YES1: variants seen among roughly 807,000 people sequenced by gnomAD.
The protein encoded by YES1 is tyrosine-protein kinase Yes.
YES1 carries 39 observed loss-of-function variants against 70.4 expected under a neutral mutation model. The observed-to-expected ratio is 0.55, with a 90% CI of 0.43 to 0.72. The LOEUF (loss-of-function observed/expected upper bound fraction) is 0.72, where lower values mean the gene tolerates loss of function less well. Among genes scored for constraint, YES1 ranks in the 30% least tolerant of loss-of-function variants. The pLI is 0.00. For missense variants in YES1, 495 were observed against 644.8 expected (o/e 0.77, Z 2.52); for synonymous variants, 198 against 218.6 (o/e 0.91, Z 0.83).
At chr18:764,247 A>T (rs1364658221) in intron 1 of YES1, among the ~76,000 whole-genome samples, 4 of 152,028 alleles carry the variant, frequency 2.6e-5, no homozygotes, top group Non-Finnish European at 5.9e-5. Flanking sequence ...TTTGAGACTG[A>T]GTCTCACTCT....
chr18:793,043 G>GTTT (rs761477770), intron 1 of YES1, among the ~76,000 whole-genome samples: 1,446 of 136,806 alleles, frequency 0.011, 12 homozygotes, highest in South Asian at 0.032. Context: ...ATTATTATTG[G>GTTT]TTTTTTTTTT....
At chr18:739,685 T>A (rs1308089165) in intron 9 of YES1, 50 bp downstream of exon 9, 10 of 1,396,840 alleles carry the variant, frequency 7.2e-6, no homozygotes, top group Non-Finnish European at 9.0e-6. Flanking sequence ...TTATTCCACA[T>A]TTTAATTTAC....
At chr18:733,730 C>T (rs964152414) in intron 10 of YES1, among the ~76,000 whole-genome samples, 1 of 125,420 alleles carries the variant, frequency 8.0e-6, no homozygotes, top group Admixed American at 1.1e-4. Flanking sequence ...TTGCAGTGAG[C>T]TGAGATTGCG....
intron 6 of YES1, 62 bp from the exon 7 acceptor site, chr18:743,477 A>T (rs148910050): frequency 3.7e-6 from 5 of 1,357,340 alleles, no homozygotes; most frequent in Middle Eastern, 2.5e-4. Flanking sequence ...CATATAGTGT[A>T]TCAATGTTTT....
rs1422975871 is a variant in YES1, at chr18:723,753, AG to A, written c.*670del. ...CTTCAGAAAAGGACTGAAGTGAAAA[AG>A]TTCTTATTCTTTCAGTTCCATGAAC... On this transcript the variant is annotated 3_prime_UTR_variant, in exon 12 of 12. Coordinates refer to ENST00000314574, the MANE Select transcript of YES1 (RefSeq NM_005433.4). 2 of 152,636 alleles carry A rather than the reference AG, an allele frequency of 1.3e-5. No individual in the cohort carries two copies. The highest frequency in any genetic ancestry group is 4.8e-5 in the African/African-American group (2 of 41,462). 9.5% of individuals were successfully genotyped at this position (152,636 alleles called of 1,614,324 possible).
chr18:756,283 G>A lies in YES1; in HGVS notation c.271+274C>T, dbSNP rs569660497. On this transcript the variant is annotated intron_variant, in intron 2 of 11. Coordinates refer to ENST00000314574, the MANE Select transcript of YES1 (RefSeq NM_005433.4). ...TCTTTATGTTCCCGGTGCCTACAGT[G>A]GGGGGGGGCTCAATAACTATTTGAA... 4.5e-4 allele frequency among the ~76,000 whole-genome samples: 18 copies of A among 39,790 alleles called. 1 individual carries two copies. The highest frequency in any genetic ancestry group is 4.4e-3 in the South Asian group (5 of 1,132). The allele number at this position is 39,790 out of a possible 152,430, so 26.1% of individuals were successfully genotyped here. A position where few individuals can be genotyped will look rare whatever the true frequency, so the allele number is the denominator to read the frequency against.
Position 742,944 on chromosome 18 carries a change from T to C in YES1, c.1034A>G (p.Tyr345Cys), listed in dbSNP as rs750080195. 6.3e-7 allele frequency: 1 copy of C among 1,598,318 alleles called. No homozygotes were observed. Residue 345 changes from tyrosine to cysteine, a missense_variant, in exon 8 of 12, where the codon TAC (tyrosine) becomes TGC (cysteine). This residue lies in a region of YES1 where 385 missense variants were observed against 540.9 expected (regional missense o/e 0.71). Transcript: ENST00000314574. ...TTTTGACATAAATTCAGTGACAATG[T>C]AAATTGGTTCTTCAGAAACAACAGC... The part of the protein sequence containing the change: ...LYAVVSEEPI[Y>C]IVTEFMSKGS...
intron 1 of YES1, among the ~76,000 whole-genome samples, chr18:761,893 C>T (rs523762): frequency 0.99 from 151,377 of 152,376 alleles, 75,196 homozygotes; most frequent in East Asian, 1. Flanking sequence ...GTCTTAGAAA[C>T]GTTAACATCA....
At chr18:747,831 CTG>C in intron 4 of YES1, 87 bp downstream of exon 4, 1 of 1,173,868 alleles carries the variant, frequency 8.5e-7, no homozygotes. Flanking sequence ...GTATATAATT[CTG>C]TGTGTGTAAA....
rs199539110 is a variant in YES1, at chr18:731,777, T to C, written c.1423+1057A>G. Among the ~76,000 whole-genome samples the C allele has an allele frequency of 1.4e-3, 211 of 151,252 alleles. 3 individuals carry two copies. Among genetic ancestry groups the C allele is most frequent in the East Asian group, 6.5e-3 (33 of 5,044 alleles). ...GGTCAGGAGATCGAGACCATCCTGG[T>C]TAACACGGTGAAACCCCGTCTCTAC... On this transcript the variant is annotated intron_variant, in intron 11 of 11. Coordinates refer to ENST00000314574, the MANE Select transcript of YES1 (RefSeq NM_005433.4).
At chr18:759,743 T>A (rs1021438874) in intron 1 of YES1, among the ~76,000 whole-genome samples, 1 of 152,170 alleles carries the variant, frequency 6.6e-6, no homozygotes, top group South Asian at 2.1e-4. Context: ...TCTAAGGTTG[T>A]AGGGTACATG....
At chr18:750,963 T>C (rs1457131533) in intron 3 of YES1, among the ~76,000 whole-genome samples, 2 of 152,196 alleles carry the variant, frequency 1.3e-5, no homozygotes, top group East Asian at 1.9e-4. Flanking sequence ...GAGAAGCACA[T>C]AGTAAATTCT....
chr18:729,619 CTTTTT>C (rs869223956), intron 11 of YES1, among the ~76,000 whole-genome samples: 2 of 75,378 alleles, frequency 2.7e-5, no homozygotes, highest in Non-Finnish European at 2.3e-5. Context: ...TGATTTTGAA[CTTTTT>C]TTTTTTTTTT....
At chr18:752,894 G>C (rs1886848827) in intron 2 of YES1, among the ~76,000 whole-genome samples, 2 of 152,168 alleles carry the variant, frequency 1.3e-5, no homozygotes, top group African/African-American at 4.8e-5. Context: ...CATGAGCCGA[G>C]ATTATGCCAC....
chr18:788,092 G>C (rs1004775346), intron 1 of YES1: 1 of 152,130 alleles, frequency 6.6e-6, no homozygotes, highest in South Asian at 2.1e-4. Context: ...CCATTTACAT[G>C]TTTAATCTCC....
intron 1 of YES1, among the ~76,000 whole-genome samples, chr18:760,637 G>A (rs922852716): frequency 6.6e-6 from 1 of 152,082 alleles, no homozygotes; most frequent in African/African-American, 2.4e-5. Flanking sequence ...AATTTCCCAT[G>A]GATCTTGAGG....
At position 766,618 on chromosome 18, in the gene YES1, T is replaced by C. The variant is rs376156434; in HGVS notation, c.-8-9783A>G. On this transcript the variant is annotated intron_variant, in intron 1 of 11. Transcript: ENST00000314574. ...AAAACATTCTAATTTCTCATTCTAA[T>C]TGGTATGTAGTGATATCCCTTTGTG... 3.9e-5 allele frequency among the ~76,000 whole-genome samples: 6 copies of C among 152,082 alleles called. No individual in the cohort carries two copies. In the East Asian group the frequency reaches 7.7e-4, roughly 20 times the overall value.
intron 1 of YES1, among the ~76,000 whole-genome samples, chr18:800,477 G>A (rs1207980459): frequency 6.6e-6 from 1 of 152,180 alleles, no homozygotes; most frequent in Non-Finnish European, 1.5e-5. Flanking sequence ...AACATGTGAA[G>A]GAGTTGTACT....
chr18:758,339 G>A (rs1233483742), intron 1 of YES1, among the ~76,000 whole-genome samples: 3 of 149,936 alleles, frequency 2.0e-5, no homozygotes, highest in African/African-American at 7.4e-5. Flanking sequence ...ACAGGACAAA[G>A]TAGATCTATA....
Sources: gnomAD v4.1 joint callset for allele counts (sites outside exome capture counted in the v4.1 genomes callset) on GRCh38, gnomAD v4.1.1 for gene constraint, gnomAD v4.1.1 regional missense constraint, MANE v1.5 for transcripts, NCBI Gene and HGNC (gene_info 2026-07-23, HGNC 2026-07-21) for gene names.